NBEAL1: variants seen among roughly 807,000 people sequenced by gnomAD.
The protein encoded by NBEAL1 is neurobeachin like 1, also known as neurobeachin-like protein 1.
Under a neutral mutation model 351.3 loss-of-function variants are expected in NBEAL1, and 273 were observed. That is an observed-to-expected ratio of 0.78 (90% CI 0.70 to 0.86). The LOEUF is 0.86. Among genes scored for constraint, NBEAL1 ranks in the 40% least tolerant of loss-of-function variants. The probability of loss-of-function intolerance (pLI) is 0.00; values close to 1 mark genes in which losing one functional copy is unlikely to be tolerated. For missense variants in NBEAL1, 2,961 were observed against 3,201.3 expected (o/e 0.92, Z 1.81); for synonymous variants, 1,050 against 1,086.4 (o/e 0.97, Z 0.66).
chr2:203,039,432 C>T (rs955190985), intron 2 of NBEAL1, among the ~76,000 whole-genome samples: 1 of 143,560 alleles, frequency 7.0e-6, no homozygotes, highest in African/African-American at 2.5e-5. Context: ...GAGATAGAGT[C>T]TTGCTTTGTT....
At chr2:203,205,957 A>G (rs972866610) in intron 51 of NBEAL1, among the ~76,000 whole-genome samples, 18 of 152,278 alleles carry the variant, frequency 1.2e-4, no homozygotes, top group African/African-American at 4.3e-4. Flanking sequence ...AGGTGTGGGC[A>G]GAGTTGTCTA....
At chr2:203,098,384 G>A (rs1326787544) in intron 11 of NBEAL1, among the ~76,000 whole-genome samples, 1 of 151,980 alleles carries the variant, frequency 6.6e-6, no homozygotes, top group East Asian at 1.9e-4. Flanking sequence ...TATTCTAGAT[G>A]TGAAATGCCA....
intron 43 of NBEAL1, chr2:203,181,772 T>C (rs964814264): frequency 1.3e-5 from 2 of 152,206 alleles, no homozygotes; most frequent in African/African-American, 2.4e-5. Flanking sequence ...GGCATCACAG[T>C]AAGGCAGTCA....
chr2:203,156,032 C>T (rs2063789398), intron 35 of NBEAL1, among the ~76,000 whole-genome samples: 1 of 152,200 alleles, frequency 6.6e-6, no homozygotes. Flanking sequence ...TACACAGTCT[C>T]CGTATGACAT....
rs188989961 is a variant in NBEAL1 at position 203,203,971 on chromosome 2, C to T, written c.7506+1190C>T. ...GATGGAGTCTTGCTCTGTCCTGAGC[C>T]CAGCTAGAGTGCAGTGGCGCAAGCT... On this transcript the variant is annotated intron_variant, in intron 51 of 55. Transcript: ENST00000683969. Among the ~76,000 whole-genome samples the T allele has an allele frequency of 1.6e-3, 241 of 150,748 alleles. 2 individuals carry two copies. The highest frequency in any genetic ancestry group is 0.013 in the Admixed American group (204 of 15,126).
chr2:203,118,937 A>C (rs2062761370), intron 18 of NBEAL1, among the ~76,000 whole-genome samples: 1 of 150,572 alleles, frequency 6.6e-6, no homozygotes, highest in Admixed American at 6.7e-5. Flanking sequence ...TTACAAAGTA[A>C]CTTTGAATTT....
intron 10 of NBEAL1, among the ~76,000 whole-genome samples, chr2:203,096,716 G>A (rs1330131535): frequency 6.6e-6 from 1 of 152,184 alleles, no homozygotes; most frequent in African/African-American, 2.4e-5. Flanking sequence ...AACAAAATGT[G>A]TGGTCAGATA....
rs2062916619 is a variant in NBEAL1, at chr2:203,125,430, A to AT, written c.2763dup (p.Pro922SerfsTer2). On this transcript the variant is annotated frameshift_variant, in exon 20 of 56. Transcript: ENST00000683969. LOFTEE classifies it high-confidence loss of function. ...AATCAGCCACTTTAGTGAAGGACAGATTCCTGAAGAAAAGAATGAAAGCAC... is the reference window on the plus strand; with the variant it reads ...AATCAGCCACTTTAGTGAAGGACAGATTTCCTGAAGAAAAGAATGAAAGCAC... 2.6e-6 allele frequency: 4 copies of AT among 1,548,106 alleles called. No homozygotes were observed. Among genetic ancestry groups the AT allele is most frequent in the Non-Finnish European group, 2.6e-6 (3 of 1,145,396 alleles).
intron 18 of NBEAL1, among the ~76,000 whole-genome samples, chr2:203,119,309 A>C (rs1010822082): frequency 1.1e-4 from 17 of 151,622 alleles, no homozygotes; most frequent in African/African-American, 4.1e-4. Flanking sequence ...TGTAGAGACA[A>C]GGTCTCACTA....
In NBEAL1 at chr2:203,167,362, T is replaced by C. The variant is rs751839482; in HGVS notation, c.5997+2T>C. On this transcript the variant is annotated splice_donor_variant, in intron 38 of 55. Transcript: ENST00000683969. LOFTEE classifies it high-confidence loss of function. ...TACTTTCTCAATTTCAAAAAAGAGG[T>C]ATGTATTATGGTTTCAGGAAATCCC... is the stretch of plus-strand genomic sequence containing the variant. 6.2e-7 allele frequency: 1 copy of C among 1,608,490 alleles called. No individual in the cohort carries two copies. Among genetic ancestry groups the C allele is most frequent in the South Asian group, 1.1e-5 (1 of 89,728 alleles).
intron 10 of NBEAL1, among the ~76,000 whole-genome samples, chr2:203,087,302 A>C (rs1293540379): frequency 6.6e-6 from 1 of 151,260 alleles, no homozygotes; most frequent in Non-Finnish European, 1.5e-5. Context: ...CACCTTGGCC[A>C]GGCTGGTCTG....
intron 7 of NBEAL1, among the ~76,000 whole-genome samples, chr2:203,069,191 A>G (rs922287766): frequency 3.3e-5 from 5 of 152,236 alleles, no homozygotes; most frequent in Non-Finnish European, 1.5e-5. Context: ...TGTATTTCCC[A>G]TTCAAATTTG....
In NBEAL1 at chr2:203,190,360, T is replaced by C. The variant is rs760817224; in HGVS notation, c.6892T>C (p.Phe2298Leu). 1 of 1,612,048 alleles carries C rather than the reference T, an allele frequency of 6.2e-7. No individual in the cohort carries two copies. The highest frequency in any genetic ancestry group is 1.3e-5 in the African/African-American group (1 of 74,746). ...RKALEGMINN[F>L]GQTPCQLLKE... ...AGCCTTAGAAGGGATGATTAATAAT[T>C]TTGGGCAAACACCCTGTCAATTATT... is the stretch of plus-strand genomic sequence containing the variant. The change falls in exon 46 of 56, where the codon TTT becomes CTT. Residue 2298 changes from phenylalanine to leucine, a missense_variant. Transcript: ENST00000683969.
intron 10 of NBEAL1, among the ~76,000 whole-genome samples, chr2:203,088,462 G>T (rs2062007913): frequency 6.6e-6 from 1 of 152,196 alleles, no homozygotes; most frequent in African/African-American, 2.4e-5. Flanking sequence ...GTCTCCTGCA[G>T]TTCAGGAATG....
chr2:203,032,812 A>C (rs1474737677), intron 2 of NBEAL1, among the ~76,000 whole-genome samples: 30 of 132,506 alleles, frequency 2.3e-4, no homozygotes, highest in East Asian at 9.7e-4. Flanking sequence ...CTACAGGCAC[A>C]CACCACCACG....
intron 25 of NBEAL1, among the ~76,000 whole-genome samples, chr2:203,131,169 C>A (rs2063062785): frequency 6.6e-6 from 1 of 152,044 alleles, no homozygotes; most frequent in African/African-American, 2.4e-5. Flanking sequence ...TTAAGCATAC[C>A]AATTATACAA....
chr2:203,201,501 T>G (rs377668766), intron 49 of NBEAL1, 42 bp from the exon 50 acceptor site: 49 of 1,444,868 alleles, frequency 3.4e-5, no homozygotes, highest in Non-Finnish European at 3.9e-5. Context: ...TCAGTATACG[T>G]GATCTTGTAA....
chr2:203,197,389 C>A lies in NBEAL1; in HGVS notation c.7126C>A (p.Leu2376Met), dbSNP rs1461590916. ...SFMSQGSPEL[L>M]ITISMNYVIG... ...TATGTCTCAAGGCAGCCCTGAGTTA[C>A]TGGTAAGTTGATTTTTACCTTTTTC... Residue 2376 changes from leucine (L) to methionine (M), a missense_variant and splice_region_variant, in exon 48 of 56, where the codon CTG becomes ATG. Transcript: ENST00000683969. 2 of 1,585,718 alleles carry A rather than the reference C, an allele frequency of 1.3e-6. No homozygotes were observed. Among genetic ancestry groups the A allele is most frequent in the South Asian group, 1.1e-5 (1 of 90,364 alleles).
In NBEAL1 at chr2:203,132,120, A is replaced by G; in HGVS notation, c.3712A>G (p.Ile1238Val). ...TCTTATTAAAAACCTCACCCATCAA[A>G]TCATAAATACAGGTATGAATAAGGC... ...TSLIKNLTHQ[I>V]INTDPVINFK... The change falls in exon 26 of 56, where the codon ATC becomes GTC. Residue 1238 changes from isoleucine (I) to valine (V), a missense_variant. Physicochemically the swap from Ile to Val is conservative, Grantham distance 29 (BLOSUM62 3). Transcript: ENST00000683969. The G allele has an allele frequency of 6.6e-7, 1 of 1,525,836 alleles. No individual in the cohort carries two copies. The highest frequency in any genetic ancestry group is 1.2e-5 in the South Asian group (1 of 82,194). 94.5% of individuals were successfully genotyped at this position (1,525,836 alleles called of 1,614,324 possible).
Sources: allele counts gnomAD v4.1 joint callset (sites outside exome capture counted in the v4.1 genomes callset), GRCh38; gene constraint gnomAD v4.1.1; transcripts MANE v1.5; gene names NCBI Gene and HGNC (gene_info 2026-07-23, HGNC 2026-07-21).